Variants in MAP7D2 observed in about 807,000 individuals in gnomAD.
The protein encoded by MAP7D2 is MAP7 domain-containing protein 2.
In MAP7D2, 33 loss-of-function variants were observed where a neutral mutation model predicts 63.5. That is an observed-to-expected ratio of 0.52 (90% CI 0.39 to 0.70). MAP7D2 has a LOEUF of 0.70. Ranked by LOEUF, MAP7D2 falls within the 30% of genes least tolerant of loss-of-function variation. MAP7D2 has a pLI of 0.00. For missense variants in MAP7D2, 626 were observed against 604.0 expected (o/e 1.04, Z -0.38); for synonymous variants, 224 against 223.7 (o/e 1.00, Z -0.01).
At chrX:20,046,810 T>C (rs995976947) in intron 6 of MAP7D2, among the ~76,000 whole-genome samples, 1 of 112,507 alleles carries the variant, frequency 8.9e-6, no homozygotes, top group East Asian at 2.8e-4. Context: ...TGGGTGAGAG[T>C]AGGGGATGAT....
chrX:20,049,274 T>G (rs1377169260), intron 6 of MAP7D2, among the ~76,000 whole-genome samples: 2 of 102,613 alleles, frequency 1.9e-5, no homozygotes, highest in African/African-American at 7.2e-5. Flanking sequence ...ATCTGTATTT[T>G]TTTTTTTTTT....
chrX:20,044,411 C>T lies in MAP7D2; in HGVS notation c.832G>A (p.Ala278Thr), dbSNP rs757109056. Residue 278 changes from alanine (A) to threonine (T), a missense_variant, in exon 7 of 17, where the codon GCA becomes ACA. Physicochemically the swap from Ala to Thr is moderately conservative, Grantham distance 58. Coordinates refer to ENST00000379643, the MANE Select transcript of MAP7D2 (RefSeq NM_001168465.2). ...AGGGCTTCTTTCCCAACATCTCCTG[C>T]ACCAGATGTAGACGTAGATGTAGCT... ...KKATSTSTSG[A>T]GDVGKEALSG... is the part of the protein sequence containing the mutation. The T allele has an allele frequency of 5.8e-6, 7 of 1,211,596 alleles. No individual in the cohort carries two copies. The South Asian group carries it at 1.2e-4, about 21-fold the overall frequency.
chrX:20,022,940 C>T (rs1043118513), intron 10 of MAP7D2, among the ~76,000 whole-genome samples: 6 of 111,699 alleles, frequency 5.4e-5, no homozygotes, highest in African/African-American at 1.3e-4. Flanking sequence ...CTCTTGAGCA[C>T]GGAAATGTGG....
intron 1 of MAP7D2, among the ~76,000 whole-genome samples, chrX:20,108,534 C>T (rs1353918175): frequency 2.7e-5 from 3 of 110,343 alleles, no homozygotes; most frequent in East Asian, 2.8e-4. Flanking sequence ...TGCACCCCAC[C>T]GAGGGCATGC....
intron 1 of MAP7D2, among the ~76,000 whole-genome samples, chrX:20,079,501 A>G (rs896727327): frequency 9.0e-6 from 1 of 111,654 alleles, no homozygotes; most frequent in Non-Finnish European, 1.9e-5. Context: ...CAGCTACAGT[A>G]AAACTGCCTC....
At chrX:20,073,100 A>G (rs1028706300) in intron 1 of MAP7D2, among the ~76,000 whole-genome samples, 16 of 111,659 alleles carry the variant, frequency 1.4e-4, no homozygotes, top group Non-Finnish European at 3.8e-5. Context: ...GTGTTCCACA[A>G]CAAGGCTTAA....
chrX:20,036,903 C>CAAAAA (rs59036515), intron 8 of MAP7D2, among the ~76,000 whole-genome samples: 1 of 29,723 alleles, frequency 3.4e-5, no homozygotes, highest in Non-Finnish European at 6.5e-5. Context: ...GACTCCATCT[C>CAAAAA]AAAAAAAAAA....
intron 1 of MAP7D2, among the ~76,000 whole-genome samples, chrX:20,082,838 C>A (rs1303106888): frequency 9.0e-6 from 1 of 111,557 alleles, no homozygotes; most frequent in Non-Finnish European, 1.9e-5. Context: ...TTATATTGAC[C>A]AGACTGGTCT....
At chrX:20,086,685 G>A (rs754633390) in intron 1 of MAP7D2, among the ~76,000 whole-genome samples, 2 of 111,751 alleles carry the variant, frequency 1.8e-5, no homozygotes, top group East Asian at 5.6e-4. Context: ...CCAGTTTAGA[G>A]AAATAATGAT....
intron 10 of MAP7D2, among the ~76,000 whole-genome samples, chrX:20,017,464 A>G (rs1211777209): frequency 8.9e-6 from 1 of 112,539 alleles, no homozygotes; most frequent in African/African-American, 3.2e-5. Context: ...GCATCCATCC[A>G]TCCTAATGGT....
At chrX:20,094,569 C>CATAT (rs1491172079) in intron 1 of MAP7D2, among the ~76,000 whole-genome samples, 1 of 8,503 alleles carries the variant, frequency 1.2e-4, no homozygotes. Flanking sequence ...TATATATATA[C>CATAT]ATATATATGT....
intron 1 of MAP7D2, among the ~76,000 whole-genome samples, chrX:20,086,611 A>T (rs895585494): frequency 4.5e-5 from 5 of 111,362 alleles, no homozygotes. Context: ...GAAAAGCCAT[A>T]AGTTTAGTTG....
In MAP7D2 at chrX:20,064,764, C is replaced by T. The variant is rs1300416086; in HGVS notation, c.172G>A (p.Ala58Thr). The T allele has an allele frequency of 3.3e-6, 4 of 1,211,025 alleles. No homozygotes were observed. The highest frequency in any genetic ancestry group is 4.5e-6 in the Non-Finnish European group (4 of 894,869). The change falls in exon 2 of 17, where the codon GCC (alanine) becomes ACC (threonine). Residue 58 changes from alanine (A) to threonine (T), a missense_variant. Transcript: ENST00000379643. ...FLKSDERQRL[A>T]KERREEREKC... is the part of the protein sequence containing the mutation. Reference sequence around the variant, plus strand: ...TCTCTTTCTTCTCGTCTTTCTTTGGCCAATCTCTGCCTCTCATCTGATTTC... The same window carrying T: ...TCTCTTTCTTCTCGTCTTTCTTTGGTCAATCTCTGCCTCTCATCTGATTTC...
At chrX:20,070,765 A>G (rs985162979) in intron 1 of MAP7D2, among the ~76,000 whole-genome samples, 1 of 112,248 alleles carries the variant, frequency 8.9e-6, no homozygotes. Context: ...ACAGAAAAGC[A>G]TAAAATCTCA....
intron 1 of MAP7D2, among the ~76,000 whole-genome samples, chrX:20,113,236 TCTTCTTGATCTGAA>T (rs2066795255): frequency 8.9e-6 from 1 of 111,750 alleles, no homozygotes; most frequent in African/African-American, 3.3e-5. Context: ...GTTCTCTTGT[TCTTCTTGATCTGAA>T]CACTTTTTTT....
chrX:20,110,172 C>T (rs1701197679), intron 1 of MAP7D2, among the ~76,000 whole-genome samples: 1 of 105,413 alleles, frequency 9.5e-6, no homozygotes, highest in Non-Finnish European at 1.9e-5. Context: ...CATTTATTAT[C>T]AGTAACCCAG....
At chrX:20,116,710 C>G in intron 1 of MAP7D2, 40 bp downstream of exon 1, 2 of 1,132,801 alleles carry the variant, frequency 1.8e-6, no homozygotes, top group Non-Finnish European at 1.2e-6. Flanking sequence ...CCACAGGAAC[C>G]CGAAGCCCTC....
Position 20,053,688 on chromosome X carries a change from G to A in MAP7D2, c.485-700C>T, listed in dbSNP as rs763755797. 3.6e-5 allele frequency among the ~76,000 whole-genome samples: 4 copies of A among 111,767 alleles called. No homozygotes were observed. In the East Asian group the frequency reaches 1.1e-3, roughly 31 times the overall value. On this transcript the variant is annotated intron_variant, in intron 4 of 16. Coordinates refer to ENST00000379643, the MANE Select transcript of MAP7D2 (RefSeq NM_001168465.2). ...CAGTGCCCTGCCAAGCTAAGTTAGA[G>A]CCTGAGGCCAAAAGAAAAATGTGTG...
rs948205447 is a variant in MAP7D2, at chrX:20,097,973, T to C, written c.130+18777A>G. Among the ~76,000 whole-genome samples, 6 of 111,909 alleles carry C rather than the reference T, an allele frequency of 5.4e-5. No homozygotes were observed. In the Admixed American group the frequency reaches 5.7e-4, roughly 11 times the overall value. Reference sequence around the variant, plus strand: ...GTAAGTTAGAGACAACCTATCTCACTAGGTTACTAGTTCCCTGGAAGGCAA... The same window carrying C: ...GTAAGTTAGAGACAACCTATCTCACCAGGTTACTAGTTCCCTGGAAGGCAA... On this transcript the variant is annotated intron_variant, in intron 1 of 16. Coordinates refer to ENST00000379643, the MANE Select transcript of MAP7D2 (RefSeq NM_001168465.2).
Sources: allele counts gnomAD v4.1 joint callset (sites outside exome capture counted in the v4.1 genomes callset), GRCh38; gene constraint gnomAD v4.1.1; transcripts MANE v1.5; gene names NCBI Gene and HGNC (gene_info 2026-07-23, HGNC 2026-07-21).